SPTLC3: variants seen among roughly 807,000 people sequenced by gnomAD.
The protein encoded by SPTLC3 is serine palmitoyltransferase 3.
Under a neutral mutation model 59.3 loss-of-function variants are expected in SPTLC3, and 36 were observed. The ratio of observed to expected loss-of-function variants is 0.61; its 90% CI spans 0.47 to 0.80. SPTLC3 has a LOEUF of 0.80. SPTLC3 is among the 30% of genes least tolerant of loss of function. SPTLC3 has a pLI of 0.00. For missense variants in SPTLC3, 625 were observed against 685.1 expected (o/e 0.91, Z 0.98); for synonymous variants, 257 against 240.8 (o/e 1.07, Z -0.62).
chr20:13,090,508 A>G (rs1989174614), intron 4 of SPTLC3, among the ~76,000 whole-genome samples: 1 of 152,212 alleles, frequency 6.6e-6, no homozygotes, highest in Non-Finnish European at 1.5e-5. Context: ...TGTAGAGTAA[A>G]AAGAGAGAAG....
At chr20:13,060,511 T>C (rs1987927035) in intron 2 of SPTLC3, among the ~76,000 whole-genome samples, 1 of 152,116 alleles carries the variant, frequency 6.6e-6, no homozygotes, top group Non-Finnish European at 1.5e-5. Flanking sequence ...AGATATATTG[T>C]GTAGTGGTGA....
chr20:13,136,568 C>T (rs2038248454), intron 9 of SPTLC3, among the ~76,000 whole-genome samples: 1 of 150,358 alleles, frequency 6.7e-6, no homozygotes, highest in Admixed American at 6.6e-5. Context: ...CCACTGCACT[C>T]CAGCCTGGGC....
At position 13,117,971 on chromosome 20, in the gene SPTLC3, A is replaced by T. The variant is rs551933065; in HGVS notation, c.1152+246A>T. 8.5e-5 allele frequency among the ~76,000 whole-genome samples: 13 copies of T among 152,296 alleles called. No individual in the cohort carries two copies. In the South Asian group the frequency reaches 2.7e-3, roughly 32 times the overall value. On this transcript the variant is annotated intron_variant, in intron 8 of 11. Coordinates refer to ENST00000399002, the MANE Select transcript of SPTLC3 (RefSeq NM_018327.4). ...AATGAAATGGCAACACTGGCCGTGT[A>T]CATAAGATGCAAAGTACCAGGCAGA... is the stretch of plus-strand genomic sequence containing the variant.
intron 9 of SPTLC3, among the ~76,000 whole-genome samples, chr20:13,127,012 G>A (rs893499406): frequency 1.3e-5 from 2 of 152,266 alleles, no homozygotes; most frequent in African/African-American, 4.8e-5. Flanking sequence ...GCGCACGTGA[G>A]CGTGCACATG....
chr20:13,145,493 C>A (rs1288209311), intron 9 of SPTLC3, among the ~76,000 whole-genome samples: 1 of 152,076 alleles, frequency 6.6e-6, no homozygotes, highest in Admixed American at 6.6e-5. Context: ...AGAGAAGACA[C>A]AAACAAATGG....
intron 1 of SPTLC3, among the ~76,000 whole-genome samples, chr20:13,043,490 T>C (rs1413754138): frequency 6.6e-6 from 1 of 152,204 alleles, no homozygotes; most frequent in Non-Finnish European, 1.5e-5. Flanking sequence ...GATTTGCTCA[T>C]CCTTTTGTAT....
chr20:13,056,096 G>A (rs960866274), intron 2 of SPTLC3, among the ~76,000 whole-genome samples: 2 of 152,154 alleles, frequency 1.3e-5, no homozygotes, highest in Non-Finnish European at 1.5e-5. Flanking sequence ...TCTGAACGAT[G>A]GGCTATGGAC....
intron 1 of SPTLC3, among the ~76,000 whole-genome samples, chr20:13,035,386 T>A (rs1228283020): frequency 6.6e-6 from 1 of 152,212 alleles, no homozygotes; most frequent in Non-Finnish European, 1.5e-5. Context: ...GCAACTAGAT[T>A]TCTTCTACTC....
At chr20:13,038,497 A>C (rs1600222605) in intron 1 of SPTLC3, among the ~76,000 whole-genome samples, 1 of 152,108 alleles carries the variant, frequency 6.6e-6, no homozygotes. Context: ...CCTTATAATC[A>C]GTGTTATTTC....
At chr20:13,124,209 G>C (rs559880617) in intron 8 of SPTLC3, among the ~76,000 whole-genome samples, 101 of 152,198 alleles carry the variant, frequency 6.6e-4, no homozygotes, top group African/African-American at 2.3e-3. Flanking sequence ...CCAGGGACTA[G>C]CCTTATGGTC....
chr20:13,038,405 G>T (rs1485155329), intron 1 of SPTLC3, among the ~76,000 whole-genome samples: 3 of 152,018 alleles, frequency 2.0e-5, no homozygotes, highest in Admixed American at 1.3e-4. Flanking sequence ...TATTGAGTTG[G>T]TTTTTTGTAT....
chr20:13,028,075 G>C (rs1022411182), intron 1 of SPTLC3, among the ~76,000 whole-genome samples: 1 of 152,138 alleles, frequency 6.6e-6, no homozygotes, highest in Non-Finnish European at 1.5e-5. Context: ...CCAAGGCAGA[G>C]GCATTGATGA....
chr20:13,160,787 A>G (rs538585010), intron 11 of SPTLC3, among the ~76,000 whole-genome samples: 59 of 152,350 alleles, frequency 3.9e-4, no homozygotes, highest in African/African-American at 1.4e-3. Context: ...TAAACAAGCA[A>G]CACATATAAT....
intron 7 of SPTLC3, among the ~76,000 whole-genome samples, chr20:13,115,458 A>C (rs1354215290): frequency 6.6e-6 from 1 of 152,182 alleles, no homozygotes; most frequent in Admixed American, 6.5e-5. Flanking sequence ...CAGTGTCTAC[A>C]AACACTGTGG....
At chr20:13,065,456 G>A (rs56155938) in intron 2 of SPTLC3, among the ~76,000 whole-genome samples, 31,023 of 150,250 alleles carry the variant, frequency 0.21, 3,267 homozygotes, top group East Asian at 0.26. Context: ...CAGCATTTCC[G>A]GAAAATGTAT....
At chr20:13,089,596 C>T (rs173399) in intron 4 of SPTLC3, among the ~76,000 whole-genome samples, 3,770 of 151,912 alleles carry the variant, frequency 0.025, 66 homozygotes, top group Middle Eastern at 0.041. Context: ...GACCAGCCTG[C>T]GCAACAAGGT....
intron 3 of SPTLC3, chr20:13,073,987 C>A: frequency 1.6e-6 from 1 of 607,034 alleles, no homozygotes; most frequent in South Asian, 1.4e-5. Context: ...ATCCTGATGA[C>A]CAATGAATAT....
chr20:13,116,800 C>A (rs547866457), intron 7 of SPTLC3, among the ~76,000 whole-genome samples: 1 of 152,208 alleles, frequency 6.6e-6, no homozygotes, highest in Non-Finnish European at 1.5e-5. Context: ...CAAAAATGCA[C>A]GTTCTCAGCC....
In SPTLC3 at chr20:13,012,722, A is replaced by G. The variant is rs148728806; in HGVS notation, c.117+3338A>G. Among the ~76,000 whole-genome samples the G allele has an allele frequency of 1.8e-3, 268 of 152,338 alleles. 3 individuals are homozygous for G. Among genetic ancestry groups the G allele is most frequent in the African/African-American group, 6.2e-3 (257 of 41,580 alleles). On this transcript the variant is annotated intron_variant, in intron 1 of 11. Transcript: ENST00000399002. ...TACTGTCCATTATACAGATGGGGAA[A>G]GATAAATCACTAAGGAACTTCTGAA... is the stretch of plus-strand genomic sequence containing the variant.
Sources: gnomAD v4.1 joint callset for allele counts (sites outside exome capture counted in the v4.1 genomes callset) on GRCh38, gnomAD v4.1.1 for gene constraint, MANE v1.5 for transcripts, NCBI Gene and HGNC (gene_info 2026-07-23, HGNC 2026-07-21) for gene names.